Variants in PRC1 observed in about 807,000 individuals in gnomAD.
The protein encoded by PRC1 is anaphase spindle elongation 1 homolog.
PRC1 carries 54 observed loss-of-function variants against 91.2 expected under a neutral mutation model. That is an observed-to-expected ratio of 0.59 (90% confidence interval 0.48 to 0.74). The LOEUF (loss-of-function observed/expected upper bound fraction) is 0.74. Among genes scored for constraint, PRC1 ranks in the 30% least tolerant of loss-of-function variants. The pLI, the probability that PRC1 is intolerant of heterozygous loss-of-function variation, is 0.00. For missense variants in PRC1, 727 were observed against 746.2 expected, an observed-to-expected ratio of 0.97 and a Z score of 0.30; for synonymous variants, 275 against 263.6, an observed-to-expected ratio of 1.04 and a Z score of -0.42.
intron 12 of PRC1, 97 bp downstream of exon 12, chr15:90,970,307 T>G: frequency 1.1e-6 from 1 of 905,232 alleles, no homozygotes; most frequent in South Asian, 1.5e-5. Context: ...AAGAACCAAA[T>G]CCAGGGATCT....
chr15:90,990,025 C>G (rs543838742), intron 1 of PRC1, among the ~76,000 whole-genome samples: 51 of 152,158 alleles, frequency 3.4e-4, no homozygotes, highest in East Asian at 2.9e-3. Flanking sequence ...GCCACCACAC[C>G]CAGCTAACTT....
intron 14 of PRC1, chr15:90,968,781 A>T: frequency 2.5e-6 from 3 of 1,206,934 alleles, no homozygotes; most frequent in Non-Finnish European, 3.1e-6. Flanking sequence ...TATTCTTTCC[A>T]GCTATTGCAG....
intron 12 of PRC1, 140 bp from the exon 13 acceptor site, chr15:90,969,763 C>CATATATAT (rs61067469): frequency 0.012 from 1,512 of 130,456 alleles, 55 homozygotes; most frequent in Non-Finnish European, 0.018. Flanking sequence ...AAAAAAAAAA[C>CATATATAT]ATATATATAT....
chr15:90,989,412 A>AT (rs58512103), intron 1 of PRC1, among the ~76,000 whole-genome samples: 20,390 of 118,424 alleles, frequency 0.17, 2,231 homozygotes, highest in East Asian at 0.46. Flanking sequence ...TGCTTGGCTA[A>AT]TTTTTTTTTT....
At position 90,981,984 on chromosome 15, in the gene PRC1, G is replaced by A. The variant is rs772638737; in HGVS notation, c.268-3C>T. The A allele has an allele frequency of 1.2e-5, 20 of 1,611,024 alleles. No homozygotes were observed. The highest frequency in any genetic ancestry group is 1.7e-5 in the Non-Finnish European group (20 of 1,177,702). On this transcript the variant is annotated splice_region_variant and splice_polypyrimidine_tract_variant and intron_variant, in intron 3 of 14. Coordinates refer to ENST00000394249, the MANE Select transcript of PRC1 (RefSeq NM_003981.4). ...AAGATGGTCGTCTCTCCTTCTTCCT[G>A]AATAAGACAACGTACCACTGTTATA...
intron 1 of PRC1, among the ~76,000 whole-genome samples, chr15:90,991,478 G>T (rs945158356): frequency 6.6e-6 from 1 of 151,744 alleles, no homozygotes; most frequent in Non-Finnish European, 1.5e-5. Flanking sequence ...TATTTGGCCT[G>T]TTGGAAATGG....
At position 90,969,137 on chromosome 15, in the gene PRC1, A is replaced by G; in HGVS notation, c.1750-17T>C. 6.2e-7 allele frequency: 1 copy of G among 1,606,818 alleles called. No homozygotes were observed. Reference sequence around the variant, plus strand: ...CGGATCCTTCTAAGAACAAAGAATTAAGACAATTACCAAGAACTCCACCAA... The same window carrying G: ...CGGATCCTTCTAAGAACAAAGAATTGAGACAATTACCAAGAACTCCACCAA... On this transcript the variant is annotated splice_polypyrimidine_tract_variant and intron_variant, in intron 13 of 14. Transcript: ENST00000394249.
Position 90,979,176 on chromosome 15 carries a change from C to T in PRC1, c.1089G>A (p.Arg363=). ...EGVQKWEETW[R]LFLEFERKAS... ...ACAATACCTCAAACTCTAAGAAAAGCCTCCAGGTTTCTTCCCACTTCTGGA... is the reference window on the plus strand; with the variant it reads ...ACAATACCTCAAACTCTAAGAAAAGTCTCCAGGTTTCTTCCCACTTCTGGA... Residue 363 remains arginine (R), a synonymous_variant, in exon 8 of 15, where the codon AGG becomes AGA. Transcript: ENST00000394249. The T allele has an allele frequency of 6.2e-7, 1 of 1,613,276 alleles. No individual in the cohort carries two copies. Among genetic ancestry groups the T allele is most frequent in the Non-Finnish European group, 8.5e-7 (1 of 1,179,764 alleles).
intron 11 of PRC1, chr15:90,973,235 C>T (rs969046149): frequency 2.6e-5 from 4 of 152,352 alleles, no homozygotes; most frequent in African/African-American, 4.8e-5. Flanking sequence ...TTAGCCCCAA[C>T]CCTGTGCTCA....
chr15:90,974,197 G>C lies in PRC1; in HGVS notation c.1400C>G (p.Ala467Gly). 6.2e-7 allele frequency: 1 copy of C among 1,614,222 alleles called. No individual in the cohort carries two copies. Among genetic ancestry groups the C allele is most frequent in the Non-Finnish European group, 8.5e-7 (1 of 1,180,050 alleles). Residue 467 changes from alanine (A) to glycine (G), a missense_variant, in exon 11 of 15, where the codon GCT becomes GGT. By Grantham distance (60) the Ala-to-Gly change is moderately conservative. Transcript: ENST00000394249. The surrounding 1 kb of genome is among the most constrained non-coding windows in gnomAD (Gnocchi z 4.6). ...TCGCCGCTTGCTAGGTGTTCGAGGA[G>C]CGCTGCCATACAGCATCTCTGTCTC... ...QTETEMLYGS[A>G]PRTPSKRRGL...
chr15:90,966,150 A>G lies in PRC1; in HGVS notation c.*981T>C, dbSNP rs1381039742. The stretch of plus-strand genomic sequence containing the variant: ...ACAGCGTGGCTAACACCAAGTCCAC[A>G]CTGGTAAGCTTTTGAGAACCATTTA... On this transcript the variant is annotated 3_prime_UTR_variant, in exon 15 of 15. Coordinates refer to ENST00000394249, the MANE Select transcript of PRC1 (RefSeq NM_003981.4). 6.3e-6 allele frequency: 1 copy of G among 159,094 alleles called. No individual in the cohort carries two copies. The highest frequency in any genetic ancestry group is 1.4e-5 in the Non-Finnish European group (1 of 72,026). The allele number at this position is 159,094 out of a possible 1,614,324, so 9.9% of individuals were successfully genotyped here. A position where few individuals can be genotyped will look rare whatever the true frequency, so the allele number is the denominator to read the frequency against.
In PRC1 at chr15:90,966,915, A is replaced by T; in HGVS notation, c.*216T>A. On this transcript the variant is annotated 3_prime_UTR_variant, in exon 15 of 15. Transcript: ENST00000394249. ...TTGCACTTCTTGCCATAAACTTTTC[A>T]TGTATATAAGTCAAAACCAAGTCTC... 1 of 578,434 alleles carries T rather than the reference A, an allele frequency of 1.7e-6. No individual in the cohort carries two copies. Among genetic ancestry groups the T allele is most frequent in the Non-Finnish European group, 3.1e-6 (1 of 324,374 alleles). The allele number at this position is 578,434 out of a possible 1,614,324, so 35.8% of individuals were successfully genotyped here.
intron 1 of PRC1, 61 bp downstream of exon 1, chr15:90,994,346 C>G: frequency 6.2e-7 from 1 of 1,611,480 alleles, no homozygotes. Flanking sequence ...CTGAACAGGC[C>G]CCGCAGCCGA....
Position 90,974,282 on chromosome 15 carries a change from A to C in PRC1, c.1351-36T>G. ...GTCAGAAGCAACAGTGATAAATCTC[A>C]GGAAGAGAGCGGGTCTGGGATGGCA... On this transcript the variant is annotated intron_variant, in intron 10 of 14. Coordinates refer to ENST00000394249, the MANE Select transcript of PRC1 (RefSeq NM_003981.4). This position sits in a 1 kb window ranked among gnomAD's most constrained non-coding sequence, Gnocchi z 4.6. The C allele has an allele frequency of 8.4e-5, 131 of 1,555,384 alleles. No individual in the cohort carries two copies. The highest frequency in any genetic ancestry group is 1.1e-4 in the East Asian group (5 of 44,624).
intron 14 of PRC1, 23 bp downstream of exon 14, chr15:90,969,056 C>T (rs768910967): frequency 1.9e-6 from 3 of 1,614,012 alleles, no homozygotes; most frequent in Non-Finnish European, 2.5e-6. Context: ...GGAAAAGGGA[C>T]ATGCAGGGAT....
chr15:90,968,980 C>T, intron 14 of PRC1, 99 bp downstream of exon 14: 1 of 1,587,114 alleles, frequency 6.3e-7, no homozygotes, highest in South Asian at 1.1e-5. Flanking sequence ...TGTAACACTG[C>T]TGAGATTATT....
Position 90,974,104 on chromosome 15 carries a change from G to A in PRC1, c.1461+32C>T, listed in dbSNP as rs1467810218. 1.3e-6 allele frequency: 2 copies of A among 1,588,868 alleles called. No individual in the cohort carries two copies. Among genetic ancestry groups the A allele is most frequent in the African/African-American group, 1.3e-5 (1 of 74,360 alleles). ...TGGGACTACCCTCACCCACTCCCTT[G>A]AAATCAGTGTTTCCCTAAGCCTTGT... On this transcript the variant is annotated intron_variant, in intron 11 of 14. Coordinates refer to ENST00000394249, the MANE Select transcript of PRC1 (RefSeq NM_003981.4). This position sits in a 1 kb window ranked among gnomAD's most constrained non-coding sequence, Gnocchi z 4.6.
chr15:90,991,969 T>A (rs989395732), intron 1 of PRC1, among the ~76,000 whole-genome samples: 1 of 152,224 alleles, frequency 6.6e-6, no homozygotes, highest in African/African-American at 2.4e-5. Flanking sequence ...AAGCCATTTC[T>A]TTTGACCTCA....
At position 90,966,322 on chromosome 15, in the gene PRC1, G is replaced by A; in HGVS notation, c.*809C>T. 7.1e-6 allele frequency: 2 copies of A among 283,434 alleles called. No individual in the cohort carries two copies. The highest frequency in any genetic ancestry group is 6.2e-5 in the South Asian group (2 of 32,414). The allele number at this position is 283,434 out of a possible 1,614,324, so 17.6% of individuals were successfully genotyped here. A position where few individuals can be genotyped will look rare whatever the true frequency, so the allele number is the denominator to read the frequency against. ...GAACACCTCCCCAGTAGTGACATGT[G>A]CAAAGTTCCAGATCTCCACGACAAA... is the stretch of plus-strand genomic sequence containing the variant. On this transcript the variant is annotated 3_prime_UTR_variant, in exon 15 of 15. Coordinates refer to ENST00000394249, the MANE Select transcript of PRC1 (RefSeq NM_003981.4).
Sources: allele counts gnomAD v4.1 joint callset (sites outside exome capture counted in the v4.1 genomes callset), GRCh38; gene constraint gnomAD v4.1.1; non-coding constraint Gnocchi (gnomAD v3.1); transcripts MANE v1.5; gene names NCBI Gene and HGNC (gene_info 2026-07-23, HGNC 2026-07-21).